CDH12: variants seen among roughly 807,000 people sequenced by gnomAD.
CDH12 encodes the protein cadherin 12.
A neutral mutation model predicts 74.1 loss-of-function variants in CDH12; 41 were observed. That is an observed-to-expected ratio of 0.55 (90% CI 0.43 to 0.72). The LOEUF (loss-of-function observed/expected upper bound fraction) is 0.72, where lower values mean the gene tolerates loss of function less well. Ranked by LOEUF, CDH12 falls within the 30% of genes least tolerant of loss-of-function variation. The pLI, the probability that CDH12 is intolerant of heterozygous loss-of-function variation, is 0.00. For missense variants in CDH12, 945 were observed against 977.2 expected (o/e 0.97, Z 0.44); for synonymous variants, 399 against 355.0 (o/e 1.12, Z -1.39).
At chr5:21,912,222 G>GAT (rs1240643718) in intron 6 of CDH12, among the ~76,000 whole-genome samples, 1 of 151,988 alleles carries the variant, frequency 6.6e-6, no homozygotes. Flanking sequence ...AAATGAATAT[G>GAT]ATATTTAAAA....
At chr5:22,101,400 C>T (rs1194044078) in intron 4 of CDH12, among the ~76,000 whole-genome samples, 2 of 152,148 alleles carry the variant, frequency 1.3e-5, no homozygotes, top group African/African-American at 4.8e-5. Flanking sequence ...TAGAACACAA[C>T]TGTTTTTCTT....
chr5:22,508,456 C>A (rs1736483534), intron 1 of CDH12, among the ~76,000 whole-genome samples: 1 of 152,144 alleles, frequency 6.6e-6, no homozygotes. Context: ...TCCTGGTGAA[C>A]AATTTGCATC....
rs1024432371 is a variant in CDH12 at position 22,831,223 on chromosome 5, T to C, written c.-523+21835A>G. Among the ~76,000 whole-genome samples the C allele has an allele frequency of 4.6e-5, 7 of 152,138 alleles. No individual in the cohort carries two copies. In the South Asian group the frequency reaches 1.4e-3, roughly 32 times the overall value. ...AACTTTTTTGGAGGATGAGGAGAAC[T>C]CAAGAAAAGTTTTCTAAGAAAACGA... On this transcript the variant is annotated intron_variant, in intron 1 of 14. Coordinates refer to ENST00000382254, the MANE Select transcript of CDH12 (RefSeq NM_004061.5).
At chr5:21,794,020 T>C (rs1264059874) in intron 10 of CDH12, among the ~76,000 whole-genome samples, 1 of 151,434 alleles carries the variant, frequency 6.6e-6, no homozygotes, top group African/African-American at 2.4e-5. Flanking sequence ...ATGTAGAAGA[T>C]ATATTCTAGT....
intron 1 of CDH12, among the ~76,000 whole-genome samples, chr5:22,548,671 A>T (rs555824693): frequency 6.6e-6 from 1 of 152,078 alleles, no homozygotes; most frequent in South Asian, 2.1e-4. Flanking sequence ...TCTCTATAAC[A>T]TATCCGACCC....
At chr5:22,177,801 C>T (rs1278222996) in intron 4 of CDH12, among the ~76,000 whole-genome samples, 4 of 152,052 alleles carry the variant, frequency 2.6e-5, no homozygotes, top group Non-Finnish European at 5.9e-5. Flanking sequence ...AAAAAAAATC[C>T]TCTGGACATT....
At chr5:22,749,406 A>G (rs1480540902) in intron 1 of CDH12, among the ~76,000 whole-genome samples, 3 of 152,354 alleles carry the variant, frequency 2.0e-5, no homozygotes, top group Admixed American at 2.0e-4. Context: ...ATAAAATAAC[A>G]TAATTGAAAC....
At chr5:22,558,677 T>A (rs925290669) in intron 1 of CDH12, among the ~76,000 whole-genome samples, 2 of 151,744 alleles carry the variant, frequency 1.3e-5, no homozygotes, top group Non-Finnish European at 2.9e-5. Context: ...CTTAAGGAAA[T>A]GGTAAATTAC....
intron 4 of CDH12, among the ~76,000 whole-genome samples, chr5:22,112,848 A>G (rs115319631): frequency 6.6e-6 from 1 of 152,142 alleles, no homozygotes; most frequent in Non-Finnish European, 1.5e-5. Context: ...TTGCAGCTAA[A>G]TGTCTCTAAG....
rs565366963 is a variant in CDH12 at position 22,341,501 on chromosome 5, C to A, written c.-333+63756G>T. Among the ~76,000 whole-genome samples, 90 of 152,198 alleles carry A rather than the reference C, an allele frequency of 5.9e-4. 3 individuals carry two copies. In the South Asian group the frequency reaches 8.9e-3, roughly 15 times the overall value. ...AAAAGATATGAAAGACAAGAAACAT[C>A]ATGATTTTGATTATGACCTAAATAA... is the stretch of plus-strand genomic sequence containing the variant. On this transcript the variant is annotated intron_variant, in intron 3 of 14. Transcript: ENST00000382254.
Position 21,859,083 on chromosome 5 carries a change from CCTGT to C in CDH12, c.527-4297_527-4294del, listed in dbSNP as rs537826213. Among the ~76,000 whole-genome samples the C allele has an allele frequency of 1.6e-3, 236 of 151,994 alleles. No homozygotes were observed. The Middle Eastern group carries it at 0.017, about 11-fold the overall frequency. ...TGCTAGATGTCCAGAATTTATTTCT[CCTGT>C]CTAACTGAAATTGTGTATACTTCGA... On this transcript the variant is annotated intron_variant, in intron 6 of 14. Coordinates refer to ENST00000382254, the MANE Select transcript of CDH12 (RefSeq NM_004061.5).
intron 4 of CDH12, among the ~76,000 whole-genome samples, chr5:22,135,984 A>T (rs1158594284): frequency 1.3e-5 from 2 of 151,954 alleles, no homozygotes; most frequent in Admixed American, 6.6e-5. Flanking sequence ...CTTTCACAGT[A>T]CCTATTATGG....
intron 5 of CDH12, among the ~76,000 whole-genome samples, chr5:22,028,263 C>A (rs539441866): frequency 6.4e-4 from 98 of 152,012 alleles, no homozygotes; most frequent in African/African-American, 2.0e-3. Context: ...CTGGCCAGGG[C>A]AATTAGGCAG....
At chr5:22,600,867 G>C (rs1442690853) in intron 1 of CDH12, among the ~76,000 whole-genome samples, 1 of 151,996 alleles carries the variant, frequency 6.6e-6, no homozygotes, top group Admixed American at 6.6e-5. Context: ...TTCAATTCTA[G>C]TAGATTCAGT....
intron 4 of CDH12, among the ~76,000 whole-genome samples, chr5:22,118,390 C>T (rs1033621208): frequency 1.3e-5 from 2 of 151,968 alleles, no homozygotes; most frequent in East Asian, 1.9e-4. Context: ...TCGTTGTTGT[C>T]GTCTCTAAAA....
chr5:21,800,765 G>C (rs1255226396), intron 10 of CDH12, among the ~76,000 whole-genome samples: 1 of 152,136 alleles, frequency 6.6e-6, no homozygotes, highest in Non-Finnish European at 1.5e-5. Flanking sequence ...CATGGGAGTG[G>C]GGGTGGTTCC....
intron 1 of CDH12, among the ~76,000 whole-genome samples, chr5:22,725,504 G>A (rs984023422): frequency 6.6e-6 from 1 of 151,598 alleles, no homozygotes; most frequent in Admixed American, 6.6e-5. Context: ...AGCCTATTTG[G>A]GCTGCTGTAA....
chr5:21,761,806 G>A (rs987659987), intron 12 of CDH12, among the ~76,000 whole-genome samples: 2 of 151,630 alleles, frequency 1.3e-5, no homozygotes, highest in Admixed American at 1.3e-4. Flanking sequence ...CTGGGACCTT[G>A]GATATCCAGT....
At chr5:22,705,846 T>G (rs1742981057) in intron 1 of CDH12, among the ~76,000 whole-genome samples, 1 of 152,102 alleles carries the variant, frequency 6.6e-6, no homozygotes, top group African/African-American at 2.4e-5. Context: ...TGATGATTTC[T>G]TCAGCATTTT....
Sources: gnomAD v4.1 joint callset for allele counts (sites outside exome capture counted in the v4.1 genomes callset) on GRCh38, gnomAD v4.1.1 for gene constraint, MANE v1.5 for transcripts, NCBI Gene and HGNC (gene_info 2026-07-23, HGNC 2026-07-21) for gene names.